The following PRKCA variants were observed in gnomAD, a reference collection of about 807,000 sequenced individuals.
PRKCA encodes the protein protein kinase C alpha type.
Under a neutral mutation model 87.0 loss-of-function variants are expected in PRKCA, and 27 were observed. The ratio of observed to expected loss-of-function variants is 0.31; its 90% CI spans 0.23 to 0.43. PRKCA has a LOEUF of 0.43. PRKCA is among the 20% of genes least tolerant of loss of function. The pLI, the probability that PRKCA is intolerant of heterozygous loss-of-function variation, is 1.00. For synonymous variants in PRKCA, 329 were observed against 311.1 expected, an observed-to-expected ratio of 1.06 and a Z score of -0.61; for missense variants, 518 against 852.3, an observed-to-expected ratio of 0.61 and a Z score of 4.88.
At chr17:66,566,694 G>C (rs1968914014) in intron 3 of PRKCA, among the ~76,000 whole-genome samples, 1 of 152,120 alleles carries the variant, frequency 6.6e-6, no homozygotes, top group Non-Finnish European at 1.5e-5. Flanking sequence ...TCAGCAGTGT[G>C]TCTTGAAAAA....
intron 14 of PRKCA, chr17:66,775,532 A>G (rs929740865): frequency 3.0e-6 from 3 of 985,286 alleles, no homozygotes; most frequent in African/African-American, 1.7e-5. Flanking sequence ...TCTGCCTTAT[A>G]CTAAACATGA....
At chr17:66,550,223 T>C (rs904934945) in intron 3 of PRKCA, among the ~76,000 whole-genome samples, 1 of 152,224 alleles carries the variant, frequency 6.6e-6, no homozygotes, top group Non-Finnish European at 1.5e-5. Context: ...GTTCATCTGC[T>C]TCTAAGCCAG....
intron 5 of PRKCA, among the ~76,000 whole-genome samples, chr17:66,678,463 C>G (rs1388706017): frequency 6.6e-6 from 1 of 152,188 alleles, no homozygotes; most frequent in African/African-American, 2.4e-5. Context: ...TTGATGTCAT[C>G]CTGCTAGCAG....
At chr17:66,333,773 A>AG (rs1906493956) in intron 2 of PRKCA, among the ~76,000 whole-genome samples, 1 of 152,102 alleles carries the variant, frequency 6.6e-6, no homozygotes, top group South Asian at 2.1e-4. Flanking sequence ...AAGTAGAAGT[A>AG]GGTCTAGTCT....
intron 5 of PRKCA, among the ~76,000 whole-genome samples, chr17:66,669,565 C>T (rs529950212): frequency 6.6e-6 from 1 of 152,266 alleles, no homozygotes; most frequent in South Asian, 2.1e-4. Flanking sequence ...AAAAGGAATG[C>T]ACTCTGTTCC....
Position 66,737,337 on chromosome 17 carries a change from T to C in PRKCA, c.1231-1427T>C, listed in dbSNP as rs189409015. ...GAGATGGCGCCACTGCACTCCAGCC[T>C]GGGCAACAGAGCAAGACTCTGTCTT... On this transcript the variant is annotated intron_variant, in intron 10 of 16. Transcript: ENST00000413366. Among the ~76,000 whole-genome samples the C allele has an allele frequency of 4.1e-3, 621 of 152,240 alleles. 17 individuals are homozygous for C. The highest frequency in any genetic ancestry group is 0.033 in the Admixed American group (511 of 15,290).
chr17:66,707,058 C>G (rs1281099628), intron 8 of PRKCA, among the ~76,000 whole-genome samples: 1 of 152,106 alleles, frequency 6.6e-6, no homozygotes, highest in Non-Finnish European at 1.5e-5. Context: ...CATACCCTGT[C>G]CCTTCCCACA....
rs931539093 is a variant in PRKCA, at chr17:66,764,268, A to C, written c.1525-9719A>C. On this transcript the variant is annotated intron_variant, in intron 13 of 16. Transcript: ENST00000413366. ...CTGTCAATATTGCCAGTGGCATCTA[A>C]AACCTTCCTGTGCCGTCCTCAAGCT... 1.3e-5 allele frequency among the ~76,000 whole-genome samples: 2 copies of C among 152,144 alleles called. 1 individual carries two copies. The highest frequency in any genetic ancestry group is 1.3e-4 in the Admixed American group (2 of 15,270).
intron 3 of PRKCA, among the ~76,000 whole-genome samples, chr17:66,561,751 C>T (rs527460898): frequency 7.9e-5 from 12 of 152,020 alleles, no homozygotes; most frequent in Non-Finnish European, 1.8e-4. Context: ...AATGCTGACA[C>T]CTGCTACAGT....
chr17:66,738,951 C>T lies in PRKCA; in HGVS notation c.1322+96C>T, dbSNP rs933519557. 6.4e-6 allele frequency: 6 copies of T among 938,610 alleles called. No individual in the cohort carries two copies. In the African/African-American group the frequency reaches 9.8e-5, roughly 15 times the overall value. 58.1% of individuals were successfully genotyped at this position (938,610 alleles called of 1,614,324 possible). ...CCCCCGCTTGAGATTGGGGGTCTCA[C>T]TCTGTCACTCAGGCTTTGCCTCCCA... On this transcript the variant is annotated intron_variant, in intron 11 of 16. Transcript: ENST00000413366.
At chr17:66,552,262 C>T (rs1283217929) in intron 3 of PRKCA, among the ~76,000 whole-genome samples, 2 of 152,202 alleles carry the variant, frequency 1.3e-5, no homozygotes, top group African/African-American at 2.4e-5. Flanking sequence ...TGCACCACTG[C>T]ACTCCAGTCT....
At chr17:66,590,560 G>T (rs2143534210) in intron 3 of PRKCA, among the ~76,000 whole-genome samples, 1 of 152,266 alleles carries the variant, frequency 6.6e-6, no homozygotes, top group African/African-American at 2.4e-5. Context: ...TGTTAAAGAG[G>T]ATGCTGGTCT....
At chr17:66,349,454 G>C (rs890251317) in intron 2 of PRKCA, among the ~76,000 whole-genome samples, 1 of 151,800 alleles carries the variant, frequency 6.6e-6, no homozygotes, top group African/African-American at 2.4e-5. Context: ...ACCTGGCTTG[G>C]TGAGTATGGA....
rs192852935 is a variant in PRKCA at position 66,452,725 on chromosome 17, G to T, written c.206-43476G>T. ...TAACTAGACAAAAAATTAGCTGGGCGTGGTGGCGGGTGCCTGTAGTCCCAG... is the reference window on the plus strand; with the variant it reads ...TAACTAGACAAAAAATTAGCTGGGCTTGGTGGCGGGTGCCTGTAGTCCCAG... On this transcript the variant is annotated intron_variant, in intron 2 of 16. Coordinates refer to ENST00000413366, the MANE Select transcript of PRKCA (RefSeq NM_002737.3). Among the ~76,000 whole-genome samples, 3 of 152,224 alleles carry T rather than the reference G, an allele frequency of 2.0e-5. No homozygotes were observed. The East Asian group carries it at 5.8e-4, about 29-fold the overall frequency.
intron 8 of PRKCA, among the ~76,000 whole-genome samples, chr17:66,708,810 A>G (rs1160212538): frequency 6.6e-6 from 1 of 152,190 alleles, no homozygotes; most frequent in East Asian, 1.9e-4. Context: ...TCCAATACCA[A>G]GATTGCAATA....
chr17:66,783,532 G>T (rs779335476), intron 14 of PRKCA, among the ~76,000 whole-genome samples: 5 of 152,166 alleles, frequency 3.3e-5, no homozygotes, highest in Non-Finnish European at 5.9e-5. Flanking sequence ...ATGAGCATAC[G>T]TGGGGACAGC....
chr17:66,331,939 C>T (rs764040462), intron 2 of PRKCA, among the ~76,000 whole-genome samples: 13 of 152,138 alleles, frequency 8.5e-5, no homozygotes, highest in South Asian at 4.1e-4. Flanking sequence ...ATATAAACTA[C>T]GCATTGTCTC....
intron 5 of PRKCA, among the ~76,000 whole-genome samples, chr17:66,668,683 T>C (rs999155970): frequency 2.0e-5 from 3 of 152,108 alleles, no homozygotes; most frequent in Non-Finnish European, 4.4e-5. Context: ...AAACCCAAAA[T>C]ATGGGGCCCA....
At chr17:66,371,434 A>G (rs1402454920) in intron 2 of PRKCA, among the ~76,000 whole-genome samples, 2 of 152,208 alleles carry the variant, frequency 1.3e-5, no homozygotes. Context: ...ACCGGGGGTG[A>G]GATTTGAACC....
Sources: gnomAD v4.1 joint callset for allele counts (sites outside exome capture counted in the v4.1 genomes callset) on GRCh38, gnomAD v4.1.1 for gene constraint, MANE v1.5 for transcripts, NCBI Gene and HGNC (gene_info 2026-07-23, HGNC 2026-07-21) for gene names.